MGAT4C: variants seen among roughly 807,000 people sequenced by gnomAD.
MGAT4C encodes alpha-1,3-mannosyl-glycoprotein 4-beta-N-acetylglucosaminyltransferase C.
MGAT4C carries 19 observed loss-of-function variants against 40.1 expected under a neutral mutation model. That is an observed-to-expected ratio of 0.47 (90% CI 0.33 to 0.70). The LOEUF (loss-of-function observed/expected upper bound fraction) is 0.70, where lower values mean the gene tolerates loss of function less well. Among genes scored for constraint, MGAT4C ranks in the 30% least tolerant of loss-of-function variants. The pLI is 0.02. For synonymous variants in MGAT4C, 181 were observed against 187.1 expected, an observed-to-expected ratio of 0.97 and a Z score of 0.27; for missense variants, 491 against 563.2, an observed-to-expected ratio of 0.87 and a Z score of 1.30.
chr12:86,056,803 C>T (rs868166022), intron 1 of MGAT4C, among the ~76,000 whole-genome samples: 67 of 152,072 alleles, frequency 4.4e-4, no homozygotes, highest in Non-Finnish European at 5.7e-4. Flanking sequence ...CTTGAGGAAT[C>T]ACCACACTGT....
At chr12:86,277,917 T>C (rs574779070) in intron 4 of MGAT4C, among the ~76,000 whole-genome samples, 1 of 152,296 alleles carries the variant, frequency 6.6e-6, no homozygotes, top group African/African-American at 2.4e-5. Flanking sequence ...GGATTATTTA[T>C]CTATTTCATT....
intron 2 of MGAT4C, among the ~76,000 whole-genome samples, chr12:86,647,262 G>A (rs771468838): frequency 9.9e-5 from 15 of 151,846 alleles, no homozygotes; most frequent in South Asian, 4.1e-4. Flanking sequence ...TAAATTTGGC[G>A]TGGATTTTAT....
chr12:86,162,597 C>T (rs957036428), intron 1 of MGAT4C, among the ~76,000 whole-genome samples: 1 of 151,998 alleles, frequency 6.6e-6, no homozygotes, highest in African/African-American at 2.4e-5. Flanking sequence ...ACAACATTCC[C>T]ATGTAACAAA....
At chr12:85,983,853 G>A (rs555754656) in intron 3 of MGAT4C, among the ~76,000 whole-genome samples, 183 bp from the exon 4 acceptor site, 1 of 152,016 alleles carries the variant, frequency 6.6e-6, no homozygotes, top group Non-Finnish European at 1.5e-5. Flanking sequence ...TTACCTGGAG[G>A]TTCTGCTCCA....
chr12:86,833,214 G>A (rs956784288), intron 1 of MGAT4C, among the ~76,000 whole-genome samples: 1 of 151,794 alleles, frequency 6.6e-6, no homozygotes, highest in African/African-American at 2.4e-5. Flanking sequence ...GGATATCCTA[G>A]GAGAGGATAA....
At chr12:86,345,420 C>T (rs928940347) in intron 3 of MGAT4C, among the ~76,000 whole-genome samples, 4 of 151,660 alleles carry the variant, frequency 2.6e-5, no homozygotes, top group Non-Finnish European at 5.9e-5. Context: ...TGCTATCCCT[C>T]CCCCCTTCCC....
At chr12:86,559,004 T>C (rs1959740577) in intron 2 of MGAT4C, among the ~76,000 whole-genome samples, 1 of 151,698 alleles carries the variant, frequency 6.6e-6, no homozygotes, top group South Asian at 2.1e-4. Flanking sequence ...CTACAGACAG[T>C]CTATGCAATT....
intron 2 of MGAT4C, among the ~76,000 whole-genome samples, chr12:86,464,891 A>G (rs1477115657): frequency 6.6e-6 from 1 of 152,130 alleles, no homozygotes; most frequent in East Asian, 1.9e-4. Context: ...ATATATGAAT[A>G]ATGCATTATA....
chr12:86,242,909 G>A (rs555928837), intron 1 of MGAT4C, among the ~76,000 whole-genome samples: 2 of 152,068 alleles, frequency 1.3e-5, no homozygotes, highest in Non-Finnish European at 2.9e-5. Context: ...TACTAACAGA[G>A]CCCAGGAACA....
At chr12:86,819,614 T>C (rs1952671616) in intron 1 of MGAT4C, among the ~76,000 whole-genome samples, 1 of 150,844 alleles carries the variant, frequency 6.6e-6, no homozygotes, top group East Asian at 1.9e-4. Context: ...TGGAAAATGT[T>C]TAAAACTTTT....
chr12:86,794,900 G>A (rs1369712988), intron 1 of MGAT4C, among the ~76,000 whole-genome samples: 1 of 151,758 alleles, frequency 6.6e-6, no homozygotes, highest in Non-Finnish European at 1.5e-5. Context: ...ATATCATTGT[G>A]AAAATCAGCA....
chr12:85,981,094 T>C (rs1409799703), intron 4 of MGAT4C, among the ~76,000 whole-genome samples: 4 of 152,122 alleles, frequency 2.6e-5, no homozygotes, highest in African/African-American at 9.7e-5. Context: ...TCAAAAAACT[T>C]TAATGCTACA....
At chr12:86,051,095 T>C (rs564363601) in intron 1 of MGAT4C, among the ~76,000 whole-genome samples, 2 of 152,122 alleles carry the variant, frequency 1.3e-5, no homozygotes, top group Admixed American at 1.3e-4. Flanking sequence ...ATGTTTTCAA[T>C]ATTATACATT....
chr12:86,326,850 C>A (rs921212061), intron 4 of MGAT4C, among the ~76,000 whole-genome samples: 1 of 151,898 alleles, frequency 6.6e-6, no homozygotes, highest in Admixed American at 6.6e-5. Context: ...TTTAAAGGAG[C>A]CTTACTTCAC....
chr12:86,079,655 T>C (rs1451567540), intron 1 of MGAT4C, among the ~76,000 whole-genome samples: 1 of 152,072 alleles, frequency 6.6e-6, no homozygotes, highest in East Asian at 1.9e-4. Context: ...CCTGAAAACA[T>C]TCCTATTTAC....
chr12:86,003,194 C>A (rs1050171601), intron 2 of MGAT4C, among the ~76,000 whole-genome samples: 1 of 152,128 alleles, frequency 6.6e-6, no homozygotes, highest in Non-Finnish European at 1.5e-5. Flanking sequence ...AATTCAAATG[C>A]TTTTCAAATT....
In MGAT4C at chr12:85,968,165, A is replaced by G. The variant is rs1276591664; in HGVS notation, c.*11124T>C. ...CATGCTGACATTTGAAGGATTTATG[A>G]AAAAAAGTCCACTGTGGAAAACTGA... On this transcript the variant is annotated 3_prime_UTR_variant, in exon 5 of 5. Coordinates refer to ENST00000611864, the MANE Select transcript of MGAT4C (RefSeq NM_001351288.2). 2 of 152,050 alleles carry G rather than the reference A, an allele frequency of 1.3e-5. No homozygotes were observed. The highest frequency in any genetic ancestry group is 3.9e-4 in the East Asian group (2 of 5,194). The allele number at this position is 152,050 out of a possible 1,614,324, so 9.4% of individuals were successfully genotyped here. A position where few individuals can be genotyped will look rare whatever the true frequency, so the allele number is the denominator to read the frequency against.
chr12:86,182,743 A>G (rs1888267095), intron 1 of MGAT4C, among the ~76,000 whole-genome samples: 1 of 152,210 alleles, frequency 6.6e-6, no homozygotes, highest in African/African-American at 2.4e-5. Context: ...ACAGCAATAG[A>G]GTATATCAAA....
intron 1 of MGAT4C, among the ~76,000 whole-genome samples, chr12:86,237,594 C>A (rs1374041832): frequency 1.3e-5 from 2 of 151,840 alleles, no homozygotes; most frequent in East Asian, 3.9e-4. Context: ...GGTTCAATTT[C>A]TTTCCTTTAT....
Sources: gnomAD v4.1 joint callset for allele counts (sites outside exome capture counted in the v4.1 genomes callset) on GRCh38, gnomAD v4.1.1 for gene constraint, MANE v1.5 for transcripts, NCBI Gene and HGNC (gene_info 2026-07-23, HGNC 2026-07-21) for gene names.